The following DPP6 variants were observed in gnomAD, a reference collection of about 807,000 sequenced individuals.
The protein encoded by DPP6 is A-type potassium channel modulatory protein DPP6.
A neutral mutation model predicts 122.6 loss-of-function variants in DPP6; 69 were observed. The observed-to-expected ratio is 0.56, with a 90% confidence interval of 0.46 to 0.69. The LOEUF (loss-of-function observed/expected upper bound fraction) is 0.69. Among genes scored for constraint, DPP6 ranks in the 30% least tolerant of loss-of-function variants. The pLI, the probability that DPP6 is intolerant of heterozygous loss-of-function variation, is 0.00. For missense variants in DPP6, 928 were observed against 1,116.9 expected, an observed-to-expected ratio of 0.83 and a Z score of 2.41; for synonymous variants, 418 against 433.1, an observed-to-expected ratio of 0.97 and a Z score of 0.43.
the DPP6 span, among the ~76,000 whole-genome samples, chr7:153,800,713 C>T: frequency 6.2e-4 from 95 of 152,094 alleles, no homozygotes; most frequent in Non-Finnish European, 1.1e-3. Context: ...GACGGGGTTT[C>T]GCCATGTTGG....
chr7:153,902,784 C>T (rs1011624342), intron 1 of DPP6, among the ~76,000 whole-genome samples: 8 of 151,656 alleles, frequency 5.3e-5, no homozygotes, highest in Admixed American at 6.6e-5. Context: ...TGCAGTGAGC[C>T]GAGCTTACAC....
At chr7:154,450,056 A>T (rs995891716) in intron 2 of DPP6, among the ~76,000 whole-genome samples, 5 of 146,376 alleles carry the variant, frequency 3.4e-5, no homozygotes, top group Non-Finnish European at 7.5e-5. Flanking sequence ...AAATAAATAA[A>T]TGTGATGTAA....
At chr7:154,317,341 G>T (rs190230857) in intron 1 of DPP6, among the ~76,000 whole-genome samples, 91 of 152,262 alleles carry the variant, frequency 6.0e-4, no homozygotes, top group African/African-American at 2.1e-3. Context: ...GACAGAGCAT[G>T]ACTCTGTCTC....
chr7:154,122,293 G>A (rs1024924331), intron 1 of DPP6, among the ~76,000 whole-genome samples: 3 of 152,192 alleles, frequency 2.0e-5, no homozygotes, highest in African/African-American at 7.2e-5. Context: ...TGGAGGGGCG[G>A]CAGTGGTGAC....
chr7:154,387,160 C>T (rs569895658), intron 1 of DPP6, among the ~76,000 whole-genome samples: 1 of 152,298 alleles, frequency 6.6e-6, no homozygotes, highest in East Asian at 1.9e-4. Flanking sequence ...CATTCTTGGT[C>T]TCTGAGCTCC....
the DPP6 span, among the ~76,000 whole-genome samples, chr7:153,834,231 G>C: frequency 6.6e-6 from 1 of 151,134 alleles, no homozygotes; most frequent in African/African-American, 2.4e-5. Flanking sequence ...AGGTTGCAGT[G>C]AGCTGAGATT....
intron 1 of DPP6, among the ~76,000 whole-genome samples, chr7:154,211,075 G>T (rs1000937548): frequency 1.3e-5 from 2 of 152,134 alleles, no homozygotes; most frequent in Non-Finnish European, 2.9e-5. Context: ...AGGAACCCCG[G>T]GGTCTCAGCA....
intron 8 of DPP6, among the ~76,000 whole-genome samples, chr7:154,750,938 T>C (rs1338562917): frequency 1.3e-5 from 2 of 151,900 alleles, no homozygotes; most frequent in Non-Finnish European, 2.9e-5. Context: ...GGTGGTGACA[T>C]CTCCAAGGCA....
chr7:154,641,203 T>C (rs1836066617), intron 6 of DPP6, among the ~76,000 whole-genome samples: 1 of 152,192 alleles, frequency 6.6e-6, no homozygotes, highest in Non-Finnish European at 1.5e-5. Flanking sequence ...GGAGTTGCAA[T>C]GAGACTCCCA....
chr7:154,788,487 T>C (rs1367296163), intron 10 of DPP6, among the ~76,000 whole-genome samples: 2 of 151,418 alleles, frequency 1.3e-5, no homozygotes, highest in African/African-American at 4.9e-5. Flanking sequence ...TACAAAAATA[T>C]ATTGGTTGTT....
intron 1 of DPP6, among the ~76,000 whole-genome samples, chr7:154,020,887 C>T (rs1798665771): frequency 6.6e-6 from 1 of 152,112 alleles, no homozygotes; most frequent in Non-Finnish European, 1.5e-5. Flanking sequence ...GGCAAGACTC[C>T]TTGGTGACCA....
chr7:154,337,526 G>T (rs1444590014), intron 1 of DPP6, among the ~76,000 whole-genome samples: 1 of 152,212 alleles, frequency 6.6e-6, no homozygotes, highest in Non-Finnish European at 1.5e-5. Context: ...ACCGGACTCA[G>T]TGGCAAATTA....
intron 1 of DPP6, among the ~76,000 whole-genome samples, chr7:153,999,629 C>T (rs1797595596): frequency 2.0e-5 from 3 of 152,234 alleles, no homozygotes; most frequent in Non-Finnish European, 1.5e-5. Flanking sequence ...TAGTATCTAT[C>T]TTTAACTTCA....
chr7:153,933,438 A>G (rs1801269349), intron 1 of DPP6, among the ~76,000 whole-genome samples: 3 of 152,174 alleles, frequency 2.0e-5, no homozygotes, highest in Non-Finnish European at 2.9e-5. Context: ...TATAATAACT[A>G]GAAGGAAAAA....
chr7:154,887,584 G>A (rs558728194), intron 22 of DPP6, 92 bp from the exon 23 acceptor site: 85 of 1,307,864 alleles, frequency 6.5e-5, no homozygotes, highest in Non-Finnish European at 8.7e-5. Flanking sequence ...TCCTCACCCC[G>A]CACCCGGTCC....
At chr7:153,890,762 A>G (rs1406121928) in intron 1 of DPP6, among the ~76,000 whole-genome samples, 2 of 132,844 alleles carry the variant, frequency 1.5e-5, no homozygotes, top group African/African-American at 3.0e-5. Flanking sequence ...CAGTAGCGCA[A>G]TCTCAGTTCA....
chr7:154,250,482 A>G (rs375091792), intron 1 of DPP6, among the ~76,000 whole-genome samples: 83 of 152,104 alleles, frequency 5.5e-4, no homozygotes, highest in Middle Eastern at 3.4e-3. Context: ...TGACAAAGGC[A>G]CGGTTGGCTT....
intron 1 of DPP6, among the ~76,000 whole-genome samples, chr7:154,019,239 TAATG>T (rs1798576835): frequency 6.6e-6 from 1 of 152,178 alleles, no homozygotes; most frequent in Non-Finnish European, 1.5e-5. Flanking sequence ...ATTTCATGAA[TAATG>T]AAATGTTTAT....
intron 9 of DPP6, among the ~76,000 whole-genome samples, chr7:154,772,534 C>T (rs541307698): frequency 6.6e-6 from 1 of 152,306 alleles, no homozygotes; most frequent in East Asian, 1.9e-4. Flanking sequence ...TCTTTTCTCC[C>T]CCACTCCTCT....
Sources: allele counts gnomAD v4.1 joint callset (sites outside exome capture counted in the v4.1 genomes callset), GRCh38; gene constraint gnomAD v4.1.1; transcripts MANE v1.5; gene names NCBI Gene and HGNC (gene_info 2026-07-23, HGNC 2026-07-21).